Variants in MC2R observed in about 807,000 individuals in gnomAD.
The protein encoded by MC2R is adrenocorticotropic hormone receptor.
MC2R carries 9 observed loss-of-function variants against 9.8 expected under a neutral mutation model. The observed-to-expected ratio is 0.92, with a 90% CI of 0.55 to 1.60. The LOEUF (loss-of-function observed/expected upper bound fraction) is 1.60, where lower values mean the gene tolerates loss of function less well. Ranked by LOEUF, MC2R falls within the 40% of genes most tolerant of loss-of-function variation. The probability of loss-of-function intolerance (pLI) is 0.00; values close to 1 mark genes in which losing one functional copy is unlikely to be tolerated. For missense variants in MC2R, 370 were observed against 389.0 expected, an observed-to-expected ratio of 0.95 and a Z score of 0.41; for synonymous variants, 185 against 154.7, an observed-to-expected ratio of 1.20 and a Z score of -1.45.
At position 13,909,624 on chromosome 18, in the gene MC2R, G is replaced by T. The variant is rs117943070; in HGVS notation, c.-129+5864C>A. Among the ~76,000 whole-genome samples the T allele has an allele frequency of 3.7e-3, 563 of 152,200 alleles. 3 individuals carry two copies. The highest frequency in any genetic ancestry group is 6.2e-3 in the Non-Finnish European group (419 of 68,008). On this transcript the variant is annotated intron_variant, in intron 1 of 1. Transcript: ENST00000327606. ...GCATGGACAACTATTTTATACTTTAGATTATAATCCAATGCTATTTGATTT... is the reference window on the plus strand; with the variant it reads ...GCATGGACAACTATTTTATACTTTATATTATAATCCAATGCTATTTGATTT...
intron 1 of MC2R, among the ~76,000 whole-genome samples, chr18:13,887,296 G>A (rs957382126): frequency 1.3e-4 from 16 of 122,880 alleles, no homozygotes; most frequent in Non-Finnish European, 2.8e-4. Context: ...CCTGTGTGCT[G>A]TGTCCCACCT....
At chr18:13,910,766 T>C (rs1339592969) in intron 1 of MC2R, among the ~76,000 whole-genome samples, 2 of 152,154 alleles carry the variant, frequency 1.3e-5, no homozygotes, top group Non-Finnish European at 2.9e-5. Context: ...GCACCAGGCA[T>C]CTGGAGGATA....
chr18:13,915,397 A>G (rs1346392855), intron 1 of MC2R, 91 bp downstream of exon 1: 1 of 152,642 alleles, frequency 6.6e-6, no homozygotes, highest in African/African-American at 2.4e-5. Context: ...GGAATTCTGA[A>G]TAGTACCTCT....
chr18:13,884,862 G>C lies in MC2R; in HGVS notation c.657C>G (p.Ile219Met), dbSNP rs773434281. The C allele has an allele frequency of 6.2e-7, 1 of 1,614,112 alleles. No individual in the cohort carries two copies. Among genetic ancestry groups the C allele is most frequent in the Non-Finnish European group, 8.5e-7 (1 of 1,180,024 alleles). The change falls in exon 2 of 2, where the codon ATC becomes ATG. Residue 219 changes from isoleucine to methionine, a missense_variant. Coordinates refer to ENST00000327606, the MANE Select transcript of MC2R (RefSeq NM_000529.2). ...AGACCCCGAGCAGGATGGTCAGTGT[G>C]ATGGCCCCTTTCATGTTGGCTCTGG... Reference protein sequence around the residue: ...TLPRANMKGAITLTILLGVFI... With the variant: ...TLPRANMKGAMTLTILLGVFI...
intron 1 of MC2R, among the ~76,000 whole-genome samples, chr18:13,913,961 T>C (rs976396285): frequency 1.3e-5 from 2 of 152,204 alleles, no homozygotes; most frequent in African/African-American, 4.8e-5. Context: ...AGGCAAGGAA[T>C]GTGGCTTACA....
At chr18:13,906,740 T>C (rs1324606011) in intron 1 of MC2R, among the ~76,000 whole-genome samples, 1 of 151,926 alleles carries the variant, frequency 6.6e-6, no homozygotes, top group African/African-American at 2.4e-5. Flanking sequence ...ACAACAACAG[T>C]GAACAATCTA....
chr18:13,895,446 C>T (rs1476413443), intron 1 of MC2R, among the ~76,000 whole-genome samples: 1 of 152,080 alleles, frequency 6.6e-6, no homozygotes, highest in African/African-American at 2.4e-5. Context: ...TTTACAAGAG[C>T]AGTACTTGCA....
intron 1 of MC2R, among the ~76,000 whole-genome samples, chr18:13,900,469 A>G (rs112016918): frequency 1.3e-5 from 2 of 152,114 alleles, no homozygotes; most frequent in African/African-American, 4.8e-5. Flanking sequence ...GGCTGAATGG[A>G]TGAAAAACAT....
At chr18:13,890,323 G>A (rs886775598) in intron 1 of MC2R, among the ~76,000 whole-genome samples, 2 of 152,174 alleles carry the variant, frequency 1.3e-5, no homozygotes, top group African/African-American at 4.8e-5. Context: ...ACACTGTGCC[G>A]CTTTCCTCTG....
At position 13,884,396 on chromosome 18, in the gene MC2R, T is replaced by A; in HGVS notation, c.*229A>T. ...TACCTAATACTTTGTATTCTATCCT[T>A]CTTTTACTACATCGTTTTATCTGTC... On this transcript the variant is annotated 3_prime_UTR_variant, in exon 2 of 2. Coordinates refer to ENST00000327606, the MANE Select transcript of MC2R (RefSeq NM_000529.2). 1 of 598,332 alleles carries A rather than the reference T, an allele frequency of 1.7e-6. No homozygotes were observed. Among genetic ancestry groups the A allele is most frequent in the Non-Finnish European group, 3.0e-6 (1 of 335,840 alleles). 37.1% of individuals were successfully genotyped at this position (598,332 alleles called of 1,614,324 possible).
At position 13,885,566 on chromosome 18, in the gene MC2R, A is replaced by G. The variant is rs559902243; in HGVS notation, c.-48T>C. The G allele has an allele frequency of 6.7e-5, 108 of 1,601,468 alleles. No individual in the cohort carries two copies. The South Asian group carries it at 1.1e-3, about 16-fold the overall frequency. On this transcript the variant is annotated 5_prime_UTR_variant, in exon 2 of 2. Coordinates refer to ENST00000327606, the MANE Select transcript of MC2R (RefSeq NM_000529.2). ...GGGGATGTTACTTGGACTTGACTTC[A>G]CGGAAAACTTGATTGATTCTTCAGG...
chr18:13,910,168 GAA>G (rs1206203126), intron 1 of MC2R, among the ~76,000 whole-genome samples: 1 of 152,158 alleles, frequency 6.6e-6, no homozygotes, highest in East Asian at 1.9e-4. Flanking sequence ...ACTGTTTGTT[GAA>G]AAGTCTACCC....
intron 1 of MC2R, among the ~76,000 whole-genome samples, chr18:13,889,724 G>C (rs148668050): frequency 6.6e-6 from 1 of 152,088 alleles, no homozygotes; most frequent in Non-Finnish European, 1.5e-5. Flanking sequence ...TTTTTTAAAG[G>C]CTCCAAGGGT....
intron 1 of MC2R, among the ~76,000 whole-genome samples, chr18:13,895,638 A>G (rs1488868979): frequency 6.6e-6 from 1 of 152,210 alleles, no homozygotes; most frequent in East Asian, 1.9e-4. Flanking sequence ...ACTTTTGAGA[A>G]TATTTACTCT....
intron 1 of MC2R, among the ~76,000 whole-genome samples, chr18:13,914,414 A>T (rs2045464465): frequency 6.6e-6 from 1 of 152,146 alleles, no homozygotes; most frequent in Admixed American, 6.5e-5. Flanking sequence ...CCAGCACATA[A>T]GGGTTCGGTA....
At position 13,885,159 on chromosome 18, in the gene MC2R, G is replaced by C. The variant is rs104894656; in HGVS notation, c.360C>G (p.Ser120Arg). 4 of 1,614,068 alleles carry C rather than the reference G, an allele frequency of 2.5e-6. No individual in the cohort carries two copies. The African/African-American group carries it at 5.3e-5, about 22-fold the overall frequency. ...FVLSLLGSIF[S>R]LSVIAADRYI... is the part of the protein sequence containing the mutation. ...AGCGGTCCGCAGCAATCACAGACAG[G>C]CTGAAGATGGAGCCAAGCAGGGAGA... Residue 120 changes from serine to arginine, a missense_variant, in exon 2 of 2, where the codon AGC becomes AGG. Physicochemically the swap from Ser to Arg is moderately radical, Grantham distance 110 (BLOSUM62 -1). Transcript: ENST00000327606.
intron 1 of MC2R, among the ~76,000 whole-genome samples, chr18:13,913,757 C>T (rs1048884812): frequency 2.6e-4 from 40 of 152,274 alleles, no homozygotes; most frequent in African/African-American, 8.7e-4. Flanking sequence ...CCACTGCCCC[C>T]GCATCCCAAG....
intron 1 of MC2R, among the ~76,000 whole-genome samples, chr18:13,891,525 G>T (rs1369063801): frequency 6.6e-6 from 1 of 152,204 alleles, no homozygotes; most frequent in Non-Finnish European, 1.5e-5. Flanking sequence ...GGCTATCCTG[G>T]TTGACATCCT....
chr18:13,888,312 C>T (rs80210380), intron 1 of MC2R, among the ~76,000 whole-genome samples: 2,941 of 152,218 alleles, frequency 0.019, 46 homozygotes, highest in Non-Finnish European at 0.031. Context: ...TGCTACTGCA[C>T]GTTTGTGGAT....
Sources: gnomAD v4.1 joint callset for allele counts (sites outside exome capture counted in the v4.1 genomes callset) on GRCh38, gnomAD v4.1.1 for gene constraint, MANE v1.5 for transcripts, NCBI Gene and HGNC (gene_info 2026-07-23, HGNC 2026-07-21) for gene names.